The following GPHN variants were observed in gnomAD, a reference collection of about 807,000 sequenced individuals.
GPHN encodes the protein gephyrin.
Under a neutral mutation model 95.5 loss-of-function variants are expected in GPHN, and 17 were observed. The observed-to-expected ratio is 0.18, with a 90% CI of 0.12 to 0.27. GPHN has a LOEUF of 0.27. GPHN is among the 10% of genes least tolerant of loss of function. The pLI, the probability that GPHN is intolerant of heterozygous loss-of-function variation, is 1.00. For missense variants in GPHN, 660 were observed against 978.1 expected, an observed-to-expected ratio of 0.67 and a Z score of 4.34; for synonymous variants, 320 against 322.5, an observed-to-expected ratio of 0.99 and a Z score of 0.08.
chr14:66,854,858 T>C (rs77574425), intron 4 of GPHN, among the ~76,000 whole-genome samples: 8 of 151,936 alleles, frequency 5.3e-5, no homozygotes, highest in Non-Finnish European at 7.4e-5. Context: ...TTTTTTTTTT[T>C]TTCTTCTGAG....
chr14:66,725,281 A>G (rs1346139585), intron 2 of GPHN, among the ~76,000 whole-genome samples: 1 of 152,166 alleles, frequency 6.6e-6, no homozygotes, highest in Non-Finnish European at 1.5e-5. Context: ...GCCAAGCTGA[A>G]ATGTTGGACA....
At chr14:67,303,394 G>A in the GPHN span, 1 of 676,434 alleles carries the variant, frequency 1.5e-6, no homozygotes, top group Non-Finnish European at 2.6e-6. Flanking sequence ...GTAGAGCAAA[G>A]TGCTGCTGGT....
the GPHN span, chr14:67,585,551 T>C: frequency 6.5e-7 from 1 of 1,537,040 alleles, no homozygotes; most frequent in Non-Finnish European, 8.9e-7. Context: ...TCTGATGGGT[T>C]GTTTCTGTTT....
chr14:67,306,381 G>A, the GPHN span, among the ~76,000 whole-genome samples: 1 of 151,920 alleles, frequency 6.6e-6, no homozygotes, highest in African/African-American at 2.4e-5. Context: ...GTCTTGCTCT[G>A]TCGCCCAGGC....
chr14:67,172,214 G>A (rs1284262586), intron 21 of GPHN, among the ~76,000 whole-genome samples: 1 of 152,092 alleles, frequency 6.6e-6, no homozygotes, highest in African/African-American at 2.4e-5. Flanking sequence ...CTTTCCCAGT[G>A]GAGCCAAATA....
chr14:66,791,967 A>G (rs1460648985), intron 3 of GPHN, among the ~76,000 whole-genome samples: 5 of 152,212 alleles, frequency 3.3e-5, no homozygotes, highest in Non-Finnish European at 7.3e-5. Context: ...CACATCTTAC[A>G]TGGTGACAGG....
the GPHN span, among the ~76,000 whole-genome samples, chr14:67,361,558 A>G: frequency 1.3e-5 from 2 of 152,266 alleles, no homozygotes; most frequent in African/African-American, 4.8e-5. Flanking sequence ...TCCCCATCAC[A>G]TAATATATTT....
chr14:67,599,907 T>A, the GPHN span: 10 of 787,316 alleles, frequency 1.3e-5, 1 homozygote, highest in South Asian at 1.9e-4. Flanking sequence ...CCCGCCCTCC[T>A]GTCCTATCAC....
the GPHN span, chr14:67,204,955 G>A: frequency 1.9e-6 from 3 of 1,605,112 alleles, no homozygotes; most frequent in East Asian, 6.7e-5. Flanking sequence ...GGTCCCGGAT[G>A]TAAGAATTGT....
the GPHN span, among the ~76,000 whole-genome samples, chr14:67,305,349 C>T: frequency 1.3e-5 from 2 of 151,904 alleles, no homozygotes; most frequent in Admixed American, 1.3e-4. Flanking sequence ...GATGTGATCA[C>T]GACTCCTGCA....
At chr14:66,981,023 T>C (rs1366856881) in intron 9 of GPHN, among the ~76,000 whole-genome samples, 2 of 152,184 alleles carry the variant, frequency 1.3e-5, no homozygotes, top group Non-Finnish European at 2.9e-5. Flanking sequence ...CATTCCAGCC[T>C]GGGCAACAAG....
chr14:67,424,810 C>T, the GPHN span, among the ~76,000 whole-genome samples: 2 of 152,222 alleles, frequency 1.3e-5, no homozygotes, highest in East Asian at 1.9e-4. Flanking sequence ...TCAGCACAGA[C>T]ATGCCCACGG....
intron 4 of GPHN, among the ~76,000 whole-genome samples, chr14:66,869,551 G>A (rs908009471): frequency 5.9e-5 from 9 of 152,056 alleles, no homozygotes; most frequent in Admixed American, 2.0e-4. Flanking sequence ...TACTTCCTAC[G>A]TGGCATTTGC....
the GPHN span, among the ~76,000 whole-genome samples, chr14:67,542,288 C>T: frequency 6.6e-6 from 1 of 152,220 alleles, no homozygotes; most frequent in Non-Finnish European, 1.5e-5. Context: ...CTATTATTCC[C>T]TTAACGTTTC....
At chr14:66,758,466 A>G (rs190245186) in intron 2 of GPHN, among the ~76,000 whole-genome samples, 235 of 152,282 alleles carry the variant, frequency 1.5e-3, no homozygotes, top group Middle Eastern at 3.4e-3. Flanking sequence ...AGGCTTGTCT[A>G]AGGATCCCCA....
chr14:66,789,959 A>G (rs1004257857), intron 3 of GPHN, among the ~76,000 whole-genome samples: 2 of 152,186 alleles, frequency 1.3e-5, no homozygotes, highest in African/African-American at 4.8e-5. Context: ...ACATAAGATA[A>G]CGTAATTCAA....
chr14:67,371,586 C>CT, the GPHN span, among the ~76,000 whole-genome samples: 2 of 152,156 alleles, frequency 1.3e-5, no homozygotes, highest in Admixed American at 6.5e-5. Context: ...TTAGTATACT[C>CT]TATTATTCCT....
rs550300538 is a variant in GPHN, at chr14:67,012,700, C to T, written c.964-10933C>T. Among the ~76,000 whole-genome samples, 82 of 152,224 alleles carry T rather than the reference C, an allele frequency of 5.4e-4. 3 individuals are homozygous for T. Among genetic ancestry groups the T allele is most frequent in the African/African-American group, 1.9e-3 (80 of 41,558 alleles). Reference sequence around the variant, plus strand: ...ATAACAAATGCTCTACATGCATTAGCTTATTTTAGTCTCACAATAATTCTA... The same window carrying T: ...ATAACAAATGCTCTACATGCATTAGTTTATTTTAGTCTCACAATAATTCTA... On this transcript the variant is annotated intron_variant, in intron 9 of 22. Coordinates refer to ENST00000478722, the MANE Select transcript of GPHN (RefSeq NM_020806.5).
the GPHN span, chr14:67,576,635 C>T: frequency 1.5e-5 from 8 of 544,906 alleles, no homozygotes; most frequent in Admixed American, 6.7e-5. The surrounding 1 kb of genome is among the most constrained non-coding windows in gnomAD (Gnocchi z 4.0). Flanking sequence ...AGGGGAAGTT[C>T]CCATCCAAGC....
Sources: allele counts gnomAD v4.1 joint callset (sites outside exome capture counted in the v4.1 genomes callset), GRCh38; gene constraint gnomAD v4.1.1; non-coding constraint Gnocchi (gnomAD v3.1); transcripts MANE v1.5; gene names NCBI Gene and HGNC (gene_info 2026-07-23, HGNC 2026-07-21).